Variants in CHCHD3 observed in about 807,000 individuals in gnomAD.
CHCHD3 encodes the protein coiled-coil-helix-coiled-coil-helix domain containing 3, also known as MICOS complex subunit MIC19.
Under a neutral mutation model 38.2 loss-of-function variants are expected in CHCHD3, and 20 were observed. That is an observed-to-expected ratio of 0.52 (90% CI 0.37 to 0.76). The LOEUF is 0.76. CHCHD3 is among the 30% of genes least tolerant of loss of function. The probability of loss-of-function intolerance (pLI) is 0.00; values close to 1 mark genes in which losing one functional copy is unlikely to be tolerated. For synonymous variants in CHCHD3, 82 were observed against 100.0 expected, an observed-to-expected ratio of 0.82 and a Z score of 1.07; for missense variants, 245 against 279.2, an observed-to-expected ratio of 0.88 and a Z score of 0.87.
chr7:132,924,752 T>G (rs148963363), intron 4 of CHCHD3, among the ~76,000 whole-genome samples: 9 of 152,334 alleles, frequency 5.9e-5, no homozygotes, highest in African/African-American at 2.2e-4. Context: ...TTAAGATGTG[T>G]ATCTTTGGCA....
At chr7:133,066,059 A>G (rs1006056922) in intron 2 of CHCHD3, among the ~76,000 whole-genome samples, 6 of 152,226 alleles carry the variant, frequency 3.9e-5, no homozygotes, top group Admixed American at 1.3e-4. Flanking sequence ...GAAATGCCCT[A>G]TATCTACACT....
chr7:132,913,100 A>G (rs1809997032), intron 4 of CHCHD3, among the ~76,000 whole-genome samples: 1 of 152,228 alleles, frequency 6.6e-6, no homozygotes, highest in Non-Finnish European at 1.5e-5. Context: ...AACTGTGTCA[A>G]GGACACATGC....
chr7:133,003,091 A>G (rs140626298), intron 3 of CHCHD3, among the ~76,000 whole-genome samples: 163 of 152,326 alleles, frequency 1.1e-3, no homozygotes, highest in African/African-American at 3.7e-3. Flanking sequence ...TAGTTTATGA[A>G]AAATAAATCC....
intron 6 of CHCHD3, among the ~76,000 whole-genome samples, chr7:132,831,768 CA>C (rs1172760018): frequency 6.6e-6 from 1 of 152,002 alleles, no homozygotes; most frequent in Non-Finnish European, 1.5e-5. Flanking sequence ...CTAATATTTC[CA>C]AAATGAGGTT....
At chr7:133,028,433 T>C (rs1442034312) in intron 2 of CHCHD3, among the ~76,000 whole-genome samples, 1 of 152,166 alleles carries the variant, frequency 6.6e-6, no homozygotes, top group Non-Finnish European at 1.5e-5. Context: ...ATGGCTTGAA[T>C]GTTTCTCCCC....
chr7:133,006,165 T>A (rs1812692979), intron 3 of CHCHD3, among the ~76,000 whole-genome samples: 1 of 152,064 alleles, frequency 6.6e-6, no homozygotes, highest in Admixed American at 6.6e-5. Flanking sequence ...TAACCACCCA[T>A]CTAAAATAAA....
chr7:132,785,674 AG>A lies in CHCHD3; in HGVS notation c.661-15del. 1 of 1,614,050 alleles carries A rather than the reference AG, an allele frequency of 6.2e-7. No individual in the cohort carries two copies. Among genetic ancestry groups the A allele is most frequent in the East Asian group, 2.2e-5 (1 of 44,864 alleles). On this transcript the variant is annotated splice_polypyrimidine_tract_variant and intron_variant, in intron 7 of 7. Transcript: ENST00000262570. The stretch of plus-strand genomic sequence containing the variant: ...CTCAAGCATGCTCTGCAAGAAAAAC[AG>A]AAAGAGTAAGTTTTACCACCGGGAG...
At chr7:132,816,087 T>C (rs1199999970) in intron 6 of CHCHD3, among the ~76,000 whole-genome samples, 2 of 152,256 alleles carry the variant, frequency 1.3e-5, no homozygotes, top group African/African-American at 4.8e-5. Context: ...TTCGGCACTT[T>C]CTTATGGTCA....
At chr7:132,982,348 G>T (rs1428320879) in intron 3 of CHCHD3, among the ~76,000 whole-genome samples, 1 of 152,166 alleles carries the variant, frequency 6.6e-6, no homozygotes, top group East Asian at 1.9e-4. Context: ...GCAGTGGTGT[G>T]ATCTTGGCTC....
chr7:133,030,558 A>G (rs1813473626), intron 2 of CHCHD3, among the ~76,000 whole-genome samples: 1 of 152,240 alleles, frequency 6.6e-6, no homozygotes, highest in South Asian at 2.1e-4. Flanking sequence ...TGTTCAAGCA[A>G]TATAAATCCC....
At chr7:132,991,425 T>C (rs1812282437) in intron 3 of CHCHD3, among the ~76,000 whole-genome samples, 1 of 152,230 alleles carries the variant, frequency 6.6e-6, no homozygotes, top group Admixed American at 6.5e-5. Context: ...GATCTTTAAA[T>C]GGGTAATTGT....
At chr7:132,843,577 C>A (rs1807996289) in intron 5 of CHCHD3, among the ~76,000 whole-genome samples, 1 of 152,200 alleles carries the variant, frequency 6.6e-6, no homozygotes, top group Admixed American at 6.5e-5. Context: ...GGACCCCAAA[C>A]TCCTCCAAGA....
At chr7:132,990,951 TACACACACACAC>T (rs768136991) in intron 3 of CHCHD3, among the ~76,000 whole-genome samples, 2 of 143,692 alleles carry the variant, frequency 1.4e-5, no homozygotes. Flanking sequence ...CAGACACACA[TACACACACACAC>T]ACACACACAC....
intron 3 of CHCHD3, among the ~76,000 whole-genome samples, chr7:132,981,985 C>T (rs775086364): frequency 2.0e-5 from 3 of 152,230 alleles, no homozygotes; most frequent in African/African-American, 4.8e-5. Flanking sequence ...CATTTTAATG[C>T]TAACAATGAA....
intron 4 of CHCHD3, among the ~76,000 whole-genome samples, chr7:132,899,384 C>A (rs1456893463): frequency 6.6e-6 from 1 of 152,202 alleles, no homozygotes; most frequent in African/African-American, 2.4e-5. Context: ...AAAGGTGCAG[C>A]AGCTCGATGC....
chr7:132,983,472 T>A (rs1489261912), intron 3 of CHCHD3, among the ~76,000 whole-genome samples: 1 of 152,236 alleles, frequency 6.6e-6, no homozygotes, highest in East Asian at 1.9e-4. Flanking sequence ...TGTATTGCTA[T>A]AATTCAGTAG....
intron 3 of CHCHD3, among the ~76,000 whole-genome samples, chr7:133,004,630 T>C (rs1163310387): frequency 6.6e-6 from 1 of 152,084 alleles, no homozygotes; most frequent in Non-Finnish European, 1.5e-5. Flanking sequence ...AACAGGACAC[T>C]AACTAAAGAC....
chr7:132,922,699 A>C (rs1810290056), intron 4 of CHCHD3, among the ~76,000 whole-genome samples: 1 of 152,192 alleles, frequency 6.6e-6, no homozygotes, highest in Non-Finnish European at 1.5e-5. Flanking sequence ...TTCATAATCC[A>C]AGTGTGTTAA....
intron 7 of CHCHD3, among the ~76,000 whole-genome samples, chr7:132,789,079 G>A (rs1585514594): frequency 6.6e-6 from 1 of 152,152 alleles, no homozygotes; most frequent in South Asian, 2.1e-4. Context: ...TAGTCTGGTG[G>A]GGTCTGTGTT....
Sources: gnomAD v4.1 joint callset for allele counts (sites outside exome capture counted in the v4.1 genomes callset) on GRCh38, gnomAD v4.1.1 for gene constraint, MANE v1.5 for transcripts, NCBI Gene and HGNC (gene_info 2026-07-23, HGNC 2026-07-21) for gene names.